TIMM23: variants seen among roughly 807,000 people sequenced by gnomAD.
TIMM23 encodes the protein mitochondrial import inner membrane translocase subunit Tim23.
A neutral mutation model predicts 30.7 loss-of-function variants in TIMM23; 19 were observed. The observed-to-expected ratio is 0.62, with a 90% CI of 0.43 to 0.91. The LOEUF (loss-of-function observed/expected upper bound fraction) is 0.91. TIMM23 is among the 40% of genes least tolerant of loss of function. The probability of loss-of-function intolerance (pLI) is 0.00; values close to 1 mark genes in which losing one functional copy is unlikely to be tolerated. For missense variants in TIMM23, 202 were observed against 269.2 expected (o/e 0.75, Z 1.75); for synonymous variants, 78 against 98.5 (o/e 0.79, Z 1.23).
chr10:46,002,436 T>C (rs1301945577), intron 6 of TIMM23: 1 of 893,206 alleles, frequency 1.1e-6, no homozygotes, highest in Non-Finnish European at 1.3e-6. Context: ...CCCAAAGTGC[T>C]GGGATTACAT....
chr10:45,998,469 C>G (rs1377500417), intron 6 of TIMM23: 5 of 813,496 alleles, frequency 6.1e-6, no homozygotes, highest in Non-Finnish European at 7.4e-6. Context: ...TTACTCTGTT[C>G]AAAGCAAGTA....
At chr10:45,979,519 T>TG (rs1837779896) in intron 2 of TIMM23, among the ~76,000 whole-genome samples, 2 of 150,388 alleles carry the variant, frequency 1.3e-5, no homozygotes, top group South Asian at 4.2e-4. Context: ...TTGCCCAGGC[T>TG]GGTCTCTTAA....
Position 46,003,568 on chromosome 10 carries a change from C to A in TIMM23, c.*250C>A. 1 of 329,268 alleles carries A rather than the reference C, an allele frequency of 3.0e-6. No individual in the cohort carries two copies. The highest frequency in any genetic ancestry group is 5.7e-6 in the Non-Finnish European group (1 of 175,952). The allele number at this position is 329,268 out of a possible 1,614,324, so 20.4% of individuals were successfully genotyped here. A position where few individuals can be genotyped will look rare whatever the true frequency, so the allele number is the denominator to read the frequency against. On this transcript the variant is annotated 3_prime_UTR_variant, in exon 7 of 7. Transcript: ENST00000580018. ...TCTGTTCTCCTCTGGAGATCTTGCA[C>A]GTATCTGTTTTCCTCCCCCATGAAC...
intron 1 of TIMM23, among the ~76,000 whole-genome samples, chr10:45,974,713 T>C (rs1554912623): frequency 1.3e-5 from 2 of 152,112 alleles, no homozygotes; most frequent in African/African-American, 2.4e-5. Context: ...ATGGTAGCAA[T>C]AGAGAAGATA....
At chr10:45,994,119 C>A (rs1361504121) in intron 6 of TIMM23, among the ~76,000 whole-genome samples, 2 of 152,070 alleles carry the variant, frequency 1.3e-5, no homozygotes, top group Non-Finnish European at 2.9e-5. Context: ...GCAGGTGGAT[C>A]ACCTGAGGTC....
Position 45,998,181 on chromosome 10 carries a change from A to G in TIMM23, c.515-5022A>G, listed in dbSNP as rs1554917088. Among the ~76,000 whole-genome samples, 323 of 152,338 alleles carry G rather than the reference A, an allele frequency of 2.1e-3. 4 individuals are homozygous for G. The East Asian group carries it at 0.034, about 16-fold the overall frequency. On this transcript the variant is annotated intron_variant, in intron 6 of 6. Coordinates refer to ENST00000580018, the MANE Select transcript of TIMM23 (RefSeq NM_006327.4). ...CAATAGCCTTTGACCCTCAAAGCCC[A>G]AAATGTTTACTATCTGGCCCTTTTA...
chr10:45,985,542 A>G, intron 5 of TIMM23, 101 bp downstream of exon 5: 1 of 1,381,738 alleles, frequency 7.2e-7, no homozygotes. Context: ...GATATGAGAC[A>G]ATTATGTTTA....
Position 45,972,709 on chromosome 10 carries a change from G to A in TIMM23, c.85G>A (p.Ala29Thr), listed in dbSNP as rs781827585. The A allele has an allele frequency of 6.2e-7, 1 of 1,613,998 alleles. No homozygotes were observed. The highest frequency in any genetic ancestry group is 8.5e-7 in the Non-Finnish European group (1 of 1,179,870). The change falls in exon 1 of 7, where the codon GCG becomes ACG. Residue 29 changes from alanine (A) to threonine (T), a missense_variant. Transcript: ENST00000580018. ...AGCCGGCGGAGCAGGTTACTCGCAC[G>A]CGGATTTGGCTGGCGTCCCGCGTAA... ...FGAGGAGYSHADLAGVPLTGM... is the reference protein window; with the variant it reads ...FGAGGAGYSHTDLAGVPLTGM...
chr10:45,974,163 G>GTTT (rs1432099968), intron 1 of TIMM23, among the ~76,000 whole-genome samples: 45 of 150,624 alleles, frequency 3.0e-4, no homozygotes, highest in African/African-American at 7.8e-4. Flanking sequence ...TTTTGTGGGG[G>GTTT]TTTTTTTTGT....
intron 1 of TIMM23, among the ~76,000 whole-genome samples, 194 bp downstream of exon 1, chr10:45,972,924 T>C (rs1369564292): frequency 5.9e-5 from 9 of 152,114 alleles, no homozygotes; most frequent in Non-Finnish European, 1.2e-4. Flanking sequence ...GCCACGGATC[T>C]CCTGGGGAAG....
intron 2 of TIMM23, among the ~76,000 whole-genome samples, chr10:45,978,762 AT>A (rs1837752196): frequency 1.3e-5 from 2 of 152,076 alleles, no homozygotes; most frequent in African/African-American, 4.8e-5. Context: ...GAGTTACCTT[AT>A]GACTGGCAAT....
At chr10:46,002,482 A>C in intron 6 of TIMM23, 1 of 984,436 alleles carries the variant, frequency 1.0e-6, no homozygotes, top group Non-Finnish European at 1.2e-6. Context: ...ACTAATCTTC[A>C]AGGTTAATAT....
At chr10:45,993,437 A>G (rs1554916194) in intron 6 of TIMM23, among the ~76,000 whole-genome samples, 1 of 151,854 alleles carries the variant, frequency 6.6e-6, no homozygotes, top group African/African-American at 2.4e-5. Context: ...TATTTTTAGT[A>G]GAGACGGGGT....
chr10:45,989,546 A>G (rs1838094946), intron 6 of TIMM23, among the ~76,000 whole-genome samples: 1 of 152,194 alleles, frequency 6.6e-6, no homozygotes, highest in Admixed American at 6.5e-5. Context: ...GACATTAAGA[A>G]TATAAGATTC....
chr10:45,973,517 C>G (rs1267389912), intron 1 of TIMM23, among the ~76,000 whole-genome samples: 3 of 152,148 alleles, frequency 2.0e-5, no homozygotes, highest in African/African-American at 7.2e-5. Context: ...GTATTTTATA[C>G]TAAGGAACAA....
At chr10:45,991,029 ACT>A (rs2132269252) in intron 6 of TIMM23, among the ~76,000 whole-genome samples, 1 of 152,226 alleles carries the variant, frequency 6.6e-6, no homozygotes, top group East Asian at 1.9e-4. Context: ...AGTGCATCAA[ACT>A]CTAGTCTGAG....
At chr10:45,999,624 G>A (rs1838458834) in intron 6 of TIMM23, among the ~76,000 whole-genome samples, 1 of 152,150 alleles carries the variant, frequency 6.6e-6, no homozygotes. Flanking sequence ...GAGGCAGGGC[G>A]AGATCATAGG....
intron 4 of TIMM23, 134 bp from the exon 5 acceptor site, chr10:45,985,249 A>T: frequency 1.4e-6 from 1 of 729,502 alleles, no homozygotes; most frequent in Non-Finnish European, 2.3e-6. Context: ...AATCGGAGAT[A>T]TTAAGATGTA....
At chr10:45,989,378 T>A (rs1838090510) in intron 6 of TIMM23, among the ~76,000 whole-genome samples, 1 of 152,252 alleles carries the variant, frequency 6.6e-6, no homozygotes. Context: ...TGCGTTCTTT[T>A]ATCAAGGAAT....
Sources: gnomAD v4.1 joint callset for allele counts (sites outside exome capture counted in the v4.1 genomes callset) on GRCh38, gnomAD v4.1.1 for gene constraint, MANE v1.5 for transcripts, NCBI Gene and HGNC (gene_info 2026-07-23, HGNC 2026-07-21) for gene names.